The following MGAT4C variants were observed in gnomAD, a reference collection of about 807,000 sequenced individuals.
MGAT4C encodes MGAT4 family member C, also known as alpha-1,3-mannosyl-glycoprotein 4-beta-N-acetylglucosaminyltransferase C.
Under a neutral mutation model 40.1 loss-of-function variants are expected in MGAT4C, and 19 were observed. That is an observed-to-expected ratio of 0.47 (90% CI 0.33 to 0.70). The LOEUF (loss-of-function observed/expected upper bound fraction) is 0.70, where lower values mean the gene tolerates loss of function less well. MGAT4C is among the 30% of genes least tolerant of loss of function. The pLI is 0.02. For missense variants in MGAT4C, 491 were observed against 563.2 expected, an observed-to-expected ratio of 0.87 and a Z score of 1.30; for synonymous variants, 181 against 187.1, an observed-to-expected ratio of 0.97 and a Z score of 0.27.
At chr12:86,334,511 TTATC>T (rs1954742242) in intron 3 of MGAT4C, among the ~76,000 whole-genome samples, 1 of 152,100 alleles carries the variant, frequency 6.6e-6, no homozygotes, top group South Asian at 2.1e-4. Context: ...TTTAGCTAAA[TTATC>T]TGTTGTCCTA....
intron 3 of MGAT4C, among the ~76,000 whole-genome samples, chr12:86,432,488 T>C (rs1248491369): frequency 1.3e-5 from 2 of 151,924 alleles, no homozygotes; most frequent in Non-Finnish European, 2.9e-5. Flanking sequence ...CAGAGGCATA[T>C]ACCTGAGAAG....
chr12:86,149,794 T>C (rs1884039306), intron 1 of MGAT4C, among the ~76,000 whole-genome samples: 1 of 152,108 alleles, frequency 6.6e-6, no homozygotes, highest in East Asian at 1.9e-4. Flanking sequence ...TATCTTCAAA[T>C]ACAACATTAT....
At chr12:86,634,480 C>T (rs950417212) in intron 2 of MGAT4C, among the ~76,000 whole-genome samples, 1 of 152,116 alleles carries the variant, frequency 6.6e-6, no homozygotes, top group Non-Finnish European at 1.5e-5. Flanking sequence ...AAGAGTCTAG[C>T]ACAGTTTATC....
intron 2 of MGAT4C, among the ~76,000 whole-genome samples, chr12:86,448,209 T>A (rs2136284807): frequency 6.6e-6 from 1 of 152,290 alleles, no homozygotes; most frequent in East Asian, 1.9e-4. Context: ...CTGGGTTGCC[T>A]GTGGCAGCTT....
chr12:86,663,718 A>T (rs868164132), intron 2 of MGAT4C, among the ~76,000 whole-genome samples: 15 of 152,112 alleles, frequency 9.9e-5, no homozygotes, highest in South Asian at 2.1e-4. Context: ...ACTACCTAAT[A>T]GCCCCCTCCC....
intron 3 of MGAT4C, among the ~76,000 whole-genome samples, chr12:86,364,389 G>A (rs1955547625): frequency 6.6e-6 from 1 of 152,070 alleles, no homozygotes. Flanking sequence ...CACCAAGAAT[G>A]TTATTTCCTA....
intron 2 of MGAT4C, among the ~76,000 whole-genome samples, chr12:86,661,620 T>C (rs1963981423): frequency 6.6e-6 from 1 of 152,104 alleles, no homozygotes; most frequent in Non-Finnish European, 1.5e-5. Flanking sequence ...TATCTTTGAA[T>C]GGGAGGTTGT....
At chr12:86,517,407 C>CA (rs746809315) in intron 2 of MGAT4C, among the ~76,000 whole-genome samples, 21 of 150,578 alleles carry the variant, frequency 1.4e-4, no homozygotes, top group East Asian at 5.8e-4. Flanking sequence ...GAAAAAAATA[C>CA]AAAAAAAAAT....
intron 1 of MGAT4C, among the ~76,000 whole-genome samples, chr12:86,766,715 C>T (rs1042406534): frequency 1.3e-5 from 2 of 152,052 alleles, no homozygotes; most frequent in African/African-American, 4.8e-5. Context: ...TTAAGAAACT[C>T]ACTCAAAACC....
chr12:86,781,915 A>G (rs1160088339), intron 1 of MGAT4C, among the ~76,000 whole-genome samples: 1 of 111,882 alleles, frequency 8.9e-6, no homozygotes, highest in Non-Finnish European at 2.1e-5. Context: ...TAAAAACAGA[A>G]TTGTTTTTTC....
At chr12:86,494,505 A>T (rs1324257721) in intron 2 of MGAT4C, among the ~76,000 whole-genome samples, 1 of 151,880 alleles carries the variant, frequency 6.6e-6, no homozygotes, top group Non-Finnish European at 1.5e-5. Flanking sequence ...ATAATAAAAT[A>T]GTGATAATTT....
At chr12:86,475,862 G>A (rs184355066) in intron 2 of MGAT4C, among the ~76,000 whole-genome samples, 1 of 151,734 alleles carries the variant, frequency 6.6e-6, no homozygotes, top group Non-Finnish European at 1.5e-5. Context: ...CATTATAATT[G>A]CCATGAATTA....
intron 1 of MGAT4C, among the ~76,000 whole-genome samples, chr12:86,163,872 A>G (rs768713241): frequency 1.6e-4 from 25 of 152,200 alleles, no homozygotes; most frequent in Admixed American, 7.2e-4. Context: ...AATTCATCAT[A>G]ACCCTTTCTC....
intron 3 of MGAT4C, among the ~76,000 whole-genome samples, chr12:86,417,267 A>T (rs1956737511): frequency 6.6e-6 from 1 of 152,096 alleles, no homozygotes; most frequent in Non-Finnish European, 1.5e-5. Flanking sequence ...TTAATGTTTT[A>T]TATTAAATAA....
chr12:86,349,246 A>G (rs891323611), intron 3 of MGAT4C, among the ~76,000 whole-genome samples: 19 of 152,154 alleles, frequency 1.2e-4, no homozygotes, highest in Non-Finnish European at 2.1e-4. Flanking sequence ...TATCTTGCTC[A>G]GAGAAGCTAC....
At chr12:86,313,764 T>C (rs191610081) in intron 4 of MGAT4C, among the ~76,000 whole-genome samples, 127 of 152,304 alleles carry the variant, frequency 8.3e-4, no homozygotes, top group African/African-American at 2.6e-3. Flanking sequence ...TTAGAAATAT[T>C]TGTTTGGCTG....
chr12:86,217,338 G>A (rs1028632799), intron 1 of MGAT4C, among the ~76,000 whole-genome samples: 8 of 152,028 alleles, frequency 5.3e-5, no homozygotes, highest in African/African-American at 1.9e-4. Context: ...CTACTGCCCG[G>A]GTAATTTTTG....
intron 1 of MGAT4C, among the ~76,000 whole-genome samples, chr12:86,078,405 G>C (rs1413860222): frequency 2.0e-5 from 3 of 152,214 alleles, no homozygotes. Context: ...GGAATACCAT[G>C]ATGGTGGATA....
At chr12:86,493,191 T>G (rs906913077) in intron 2 of MGAT4C, among the ~76,000 whole-genome samples, 2 of 150,740 alleles carry the variant, frequency 1.3e-5, no homozygotes, top group Non-Finnish European at 2.9e-5. Context: ...ACTTTTACAC[T>G]GTTGGTGGGA....
Sources: gnomAD v4.1 joint callset for allele counts (sites outside exome capture counted in the v4.1 genomes callset) on GRCh38, gnomAD v4.1.1 for gene constraint, MANE v1.5 for transcripts, NCBI Gene and HGNC (gene_info 2026-07-23, HGNC 2026-07-21) for gene names.